The following VAV1 variants were observed in gnomAD, a reference collection of about 807,000 sequenced individuals.
VAV1 encodes the protein vav guanine nucleotide exchange factor 1, also known as proto-oncogene vav.
Under a neutral mutation model 128.1 loss-of-function variants are expected in VAV1, and 33 were observed. The observed-to-expected ratio is 0.26, with a 90% CI of 0.20 to 0.34. The LOEUF is 0.34. Ranked by LOEUF, VAV1 falls within the 10% of genes least tolerant of loss-of-function variation. The probability of loss-of-function intolerance (pLI) is 1.00; values close to 1 mark genes in which losing one functional copy is unlikely to be tolerated. For missense variants in VAV1, 715 were observed against 1,093.7 expected, an observed-to-expected ratio of 0.65 and a Z score of 4.88; for synonymous variants, 394 against 409.8, an observed-to-expected ratio of 0.96 and a Z score of 0.47.
chr19:6,773,039 A>G (rs562321080), intron 1 of VAV1, 28 bp downstream of exon 1: 2 of 1,613,682 alleles, frequency 1.2e-6, no homozygotes, highest in East Asian at 2.2e-5. Flanking sequence ...AGGTGTGCTG[A>G]GGGTTGGAGA....
At chr19:6,843,212 T>C in intron 22 of VAV1, 46 bp downstream of exon 22, 1 of 1,611,934 alleles carries the variant, frequency 6.2e-7, no homozygotes, top group Non-Finnish European at 8.5e-7. Flanking sequence ...GTTTCTGGGT[T>C]GGGGTTCCAG....
At chr19:6,834,519 A>C (rs1972170561) in intron 19 of VAV1, among the ~76,000 whole-genome samples, 1 of 151,006 alleles carries the variant, frequency 6.6e-6, no homozygotes, top group South Asian at 2.1e-4. Context: ...CTGGGATTAC[A>C]AGCGTGAGCC....
At chr19:6,834,809 T>C (rs1258501490) in intron 19 of VAV1, among the ~76,000 whole-genome samples, 2 of 151,090 alleles carry the variant, frequency 1.3e-5, no homozygotes, top group East Asian at 3.9e-4. Flanking sequence ...TTATATGACA[T>C]ATAAATATAT....
Position 6,832,170 on chromosome 19 carries a change from A to G in VAV1, c.1478A>G (p.Lys493Arg), listed in dbSNP as rs1807759158. The change falls in exon 15 of 27, where the codon AAG (lysine) becomes AGG (arginine). Residue 493 changes from lysine to arginine, a missense_variant. Lys to Arg is a conservative substitution (Grantham distance 26). Transcript: ENST00000602142. ...TTCTTCAAGACAAGAGAATTGAAGA[A>G]GAAGTGGATGGAGCAGTTTGAGATG... ...ELFFKTRELK[K>R]KWMEQFEMAI... 2 of 1,614,078 alleles carry G rather than the reference A, an allele frequency of 1.2e-6. No individual in the cohort carries two copies. The highest frequency in any genetic ancestry group is 1.3e-5 in the African/African-American group (1 of 74,952).
chr19:6,774,523 C>T lies in VAV1; in HGVS notation c.204+1512C>T, dbSNP rs189256961. ...GATCTCAGCTCACTGCAACCTTAGC[C>T]TCTCAGGATCAAGCAATTCTCCTGC... On this transcript the variant is annotated intron_variant, in intron 1 of 26. Coordinates refer to ENST00000602142, the MANE Select transcript of VAV1 (RefSeq NM_005428.4). Among the ~76,000 whole-genome samples the T allele has an allele frequency of 2.0e-5, 3 of 148,030 alleles. No homozygotes were observed. The Admixed American group carries it at 2.0e-4, about 10-fold the overall frequency.
At chr19:6,812,070 A>C (rs1971524474) in intron 1 of VAV1, among the ~76,000 whole-genome samples, 1 of 152,236 alleles carries the variant, frequency 6.6e-6, no homozygotes. Flanking sequence ...ATTGGCCAGA[A>C]GCAGTCACAT....
intron 22 of VAV1, among the ~76,000 whole-genome samples, chr19:6,846,102 G>A (rs1972515251): frequency 6.7e-6 from 1 of 148,334 alleles, no homozygotes; most frequent in African/African-American, 2.5e-5. Context: ...ATGTCATATT[G>A]TACGTTATGT....
chr19:6,833,700 C>A lies in VAV1; in HGVS notation c.1709-11C>A, dbSNP rs553065003. On this transcript the variant is annotated splice_polypyrimidine_tract_variant and intron_variant, in intron 17 of 26. Coordinates refer to ENST00000602142, the MANE Select transcript of VAV1 (RefSeq NM_005428.4). ...TTTCCCGTTCTCACCATTTCCTTTA[C>A]CCTCCCGTAGATTTCCCAGGAACTA... The A allele has an allele frequency of 1.2e-5, 19 of 1,613,984 alleles. 1 individual carries two copies. In the South Asian group the frequency reaches 2.1e-4, roughly 18 times the overall value.
At chr19:6,843,455 C>A (rs755506241) in intron 22 of VAV1, among the ~76,000 whole-genome samples, 1 of 152,056 alleles carries the variant, frequency 6.6e-6, no homozygotes, top group Non-Finnish European at 1.5e-5. Flanking sequence ...AATGACAGTT[C>A]CAGTTGTTTT....
intron 1 of VAV1, among the ~76,000 whole-genome samples, chr19:6,818,869 A>C (rs546524231): frequency 6.6e-6 from 1 of 152,284 alleles, no homozygotes; most frequent in African/African-American, 2.4e-5. Flanking sequence ...TAATCCCAGC[A>C]CTTTGGGAGG....
chr19:6,791,849 G>T (rs2431516), intron 1 of VAV1, among the ~76,000 whole-genome samples: 33,786 of 152,096 alleles, frequency 0.22, 4,007 homozygotes, highest in African/African-American at 0.31. Flanking sequence ...TGGGAAGCAT[G>T]AGGCAGAGAG....
chr19:6,827,945 C>T, intron 9 of VAV1, 131 bp from the exon 10 acceptor site: 1 of 714,200 alleles, frequency 1.4e-6, no homozygotes, highest in Non-Finnish European at 2.4e-6. Context: ...ATGCTTTGGC[C>T]TCTAGAAAAA....
At chr19:6,837,088 G>A (rs377302551) in intron 21 of VAV1, 38 bp downstream of exon 21, 154 of 1,607,498 alleles carry the variant, frequency 9.6e-5, no homozygotes, top group Non-Finnish European at 1.2e-4. Context: ...AGGGCAAGGG[G>A]TCCAGGGCGG....
rs149261251 is a variant in VAV1 at position 6,795,369 on chromosome 19, C to T, written c.204+22358C>T. Among the ~76,000 whole-genome samples, 3 of 152,184 alleles carry T rather than the reference C, an allele frequency of 2.0e-5. No homozygotes were observed. In the East Asian group the frequency reaches 5.8e-4, roughly 29 times the overall value. On this transcript the variant is annotated intron_variant, in intron 1 of 26. Coordinates refer to ENST00000602142, the MANE Select transcript of VAV1 (RefSeq NM_005428.4). ...CCCTCCTTCTCTGAACTCTGTGTAT[C>T]GCTCGCGAAATAGGAGCCCTACTTC...
chr19:6,813,220 G>A lies in VAV1; in HGVS notation c.205-7482G>A, dbSNP rs1599646271. On this transcript the variant is annotated intron_variant, in intron 1 of 26. Transcript: ENST00000602142. ...CTGCAGTCATCTAAAGGCCTTAGCT[G>A]GAGGGTCTACTTCCTGAGTGGCTGG... 2.0e-5 allele frequency among the ~76,000 whole-genome samples: 3 copies of A among 152,328 alleles called. No homozygotes were observed. The East Asian group carries it at 5.8e-4, about 29-fold the overall frequency.
At chr19:6,789,305 T>G (rs961140877) in intron 1 of VAV1, among the ~76,000 whole-genome samples, 2 of 151,602 alleles carry the variant, frequency 1.3e-5, no homozygotes, top group Admixed American at 6.6e-5. Flanking sequence ...CAGGCTGGAG[T>G]GCAGTGGCGC....
At chr19:6,803,752 A>T (rs1410353610) in intron 1 of VAV1, among the ~76,000 whole-genome samples, 1 of 152,064 alleles carries the variant, frequency 6.6e-6, no homozygotes, top group Non-Finnish European at 1.5e-5. Flanking sequence ...TTTAGTAGAG[A>T]TGGGATTTCA....
chr19:6,795,207 A>C (rs1253974614), intron 1 of VAV1, among the ~76,000 whole-genome samples: 1 of 152,020 alleles, frequency 6.6e-6, no homozygotes, highest in African/African-American at 2.4e-5. Context: ...GGGACCTCCA[A>C]TTGGCTGAAC....
At chr19:6,841,515 C>G (rs1339137584) in intron 21 of VAV1, among the ~76,000 whole-genome samples, 1 of 148,610 alleles carries the variant, frequency 6.7e-6, no homozygotes, top group Non-Finnish European at 1.5e-5. Flanking sequence ...TTGCTCTGTC[C>G]CCAGGCTGGA....
Sources: gnomAD v4.1 joint callset for allele counts (sites outside exome capture counted in the v4.1 genomes callset) on GRCh38, gnomAD v4.1.1 for gene constraint, MANE v1.5 for transcripts, NCBI Gene and HGNC (gene_info 2026-07-23, HGNC 2026-07-21) for gene names.